The following SLC7A9 variants were observed in gnomAD, a reference collection of about 807,000 sequenced individuals.
SLC7A9 encodes B(0,+)-type amino acid transporter 1.
Under a neutral mutation model 54.1 loss-of-function variants are expected in SLC7A9, and 38 were observed. That is an observed-to-expected ratio of 0.70 (90% CI 0.54 to 0.92). The LOEUF is 0.92. Ranked by LOEUF, SLC7A9 falls within the 40% of genes least tolerant of loss-of-function variation. The probability of loss-of-function intolerance (pLI) is 0.00; values close to 1 mark genes in which losing one functional copy is unlikely to be tolerated. For missense variants in SLC7A9, 537 were observed against 636.1 expected (o/e 0.84, Z 1.68); for synonymous variants, 264 against 258.9 (o/e 1.02, Z -0.19).
chr19:32,831,209 AAAAG>A (rs751400772), intron 12 of SLC7A9: 113 of 159,972 alleles, frequency 7.1e-4, no homozygotes, highest in East Asian at 2.3e-3. Flanking sequence ...AAAAAAAAAA[AAAAG>A]AAAGAAAGAA....
Position 32,860,652 on chromosome 19 carries a change from T to C in SLC7A9, c.705-2A>G, listed in dbSNP as rs1213412404. 2.5e-6 allele frequency: 4 copies of C among 1,614,144 alleles called. No homozygotes were observed. Among genetic ancestry groups the C allele is most frequent in the South Asian group, 1.1e-5 (1 of 91,076 alleles). ...TCTGTGATGTAATTGAGTTGATTCCTGGAAAAAGGAAAGTAACAAGCGTCA... is the reference window on the plus strand; with the variant it reads ...TCTGTGATGTAATTGAGTTGATTCCCGGAAAAAGGAAAGTAACAAGCGTCA... On this transcript the variant is annotated splice_acceptor_variant, in intron 6 of 12. Coordinates refer to ENST00000023064, the MANE Select transcript of SLC7A9 (RefSeq NM_014270.5). LOFTEE classifies it high-confidence loss of function.
chr19:32,860,887 C>T (rs1180292642), intron 6 of SLC7A9, among the ~76,000 whole-genome samples: 1 of 152,182 alleles, frequency 6.6e-6, no homozygotes, highest in Non-Finnish European at 1.5e-5. Context: ...TCGGGAATCA[C>T]ACGGATTTTC....
At chr19:32,841,448 C>T (rs1167980525) in intron 11 of SLC7A9, among the ~76,000 whole-genome samples, 1 of 151,880 alleles carries the variant, frequency 6.6e-6, no homozygotes, top group Non-Finnish European at 1.5e-5. Flanking sequence ...GAAAGGAGGC[C>T]GGCATAGTGG....
intron 9 of SLC7A9, among the ~76,000 whole-genome samples, chr19:32,857,303 G>A (rs1360106503): frequency 1.3e-5 from 2 of 152,068 alleles, no homozygotes; most frequent in Non-Finnish European, 2.9e-5. Flanking sequence ...AGTTAGCTGG[G>A]TGTGATGGCA....
chr19:32,868,377 C>G, intron 2 of SLC7A9, 71 bp downstream of exon 2: 2 of 1,156,148 alleles, frequency 1.7e-6, no homozygotes, highest in Non-Finnish European at 2.6e-6. Flanking sequence ...CCGGATTTCA[C>G]TGCCTGCGCC....
chr19:32,868,768 T>G (rs1024455001), intron 1 of SLC7A9, 123 bp from the exon 2 acceptor site: 1 of 584,894 alleles, frequency 1.7e-6, no homozygotes, highest in Non-Finnish European at 3.1e-6. Context: ...GGAACACAGC[T>G]CCCCGCTGCT....
intron 2 of SLC7A9, among the ~76,000 whole-genome samples, 197 bp downstream of exon 2, chr19:32,868,248 AAAG>A (rs200574925): frequency 1.4e-5 from 2 of 145,238 alleles, no homozygotes; most frequent in African/African-American, 2.6e-5. Flanking sequence ...AAAAAAAAAA[AAAG>A]AAGATGCAGA....
intron 11 of SLC7A9, among the ~76,000 whole-genome samples, chr19:32,837,949 C>CA (rs1968012685): frequency 6.6e-6 from 1 of 152,060 alleles, no homozygotes; most frequent in Admixed American, 6.6e-5. Context: ...ATAGCAATGA[C>CA]AAAAAATCCT....
rs576456024 is a variant in SLC7A9 at position 32,844,628 on chromosome 19, G to A, written c.978-677C>T. Among the ~76,000 whole-genome samples, 25 of 151,998 alleles carry A rather than the reference G, an allele frequency of 1.6e-4. No homozygotes were observed. In the South Asian group the frequency reaches 4.8e-3, roughly 29 times the overall value. On this transcript the variant is annotated intron_variant, in intron 9 of 12. Transcript: ENST00000023064. ...GTGGATCGCCTGAAGTCAGGAGTTC[G>A]AGACCAGTCTGGCCAACGTGGTGAA...
At chr19:32,844,857 CAAAAAAAAAAAAAAAA>C (rs386388892) in intron 9 of SLC7A9, among the ~76,000 whole-genome samples, 1 of 30,314 alleles carries the variant, frequency 3.3e-5, no homozygotes, top group Non-Finnish European at 5.9e-5. Context: ...GAATCCATCT[CAAAAAAAAAAAAAAAA>C]AAAAAAAAAA....
chr19:32,858,189 C>T (rs1968682657), intron 9 of SLC7A9, among the ~76,000 whole-genome samples: 1 of 152,168 alleles, frequency 6.6e-6, no homozygotes, highest in Admixed American at 6.6e-5. Context: ...AACTAGGGCC[C>T]CCTGGAGTGG....
At chr19:32,845,213 A>T (rs1384214829) in intron 9 of SLC7A9, among the ~76,000 whole-genome samples, 1 of 152,092 alleles carries the variant, frequency 6.6e-6, no homozygotes, top group African/African-American at 2.4e-5. Flanking sequence ...CAGGAGCCTG[A>T]GCTGGGCATG....
chr19:32,853,338 T>A (rs1968524625), intron 9 of SLC7A9, among the ~76,000 whole-genome samples: 1 of 152,186 alleles, frequency 6.6e-6, no homozygotes, highest in Non-Finnish European at 1.5e-5. Context: ...TTTGGGGTGA[T>A]GGAAATGATC....
intron 9 of SLC7A9, among the ~76,000 whole-genome samples, chr19:32,844,780 G>GAGATCGCACCATTGCAGCTA (rs953236812): frequency 7.8e-5 from 10 of 128,618 alleles, no homozygotes; most frequent in African/African-American, 2.7e-4. Context: ...GCGGTGAGCT[G>GAGATCGCACCATTGCAGCTA]AGATCGCACC....
chr19:32,850,468 C>G (rs1317304021), intron 9 of SLC7A9, among the ~76,000 whole-genome samples: 1 of 151,902 alleles, frequency 6.6e-6, no homozygotes, highest in African/African-American at 2.4e-5. Context: ...ATCCAACTTA[C>G]AAGGGATGTG....
At chr19:32,855,516 G>A (rs570519812) in intron 9 of SLC7A9, among the ~76,000 whole-genome samples, 90 of 152,120 alleles carry the variant, frequency 5.9e-4, no homozygotes, top group Admixed American at 3.5e-3. Context: ...TGGCAAACAC[G>A]GTGAAACCCC....
intron 12 of SLC7A9, chr19:32,832,652 C>T: frequency 5.9e-6 from 1 of 169,294 alleles, no homozygotes; most frequent in Non-Finnish European, 1.2e-5. Context: ...TGGCTTAGGC[C>T]AGTAGTCCCA....
intron 12 of SLC7A9, among the ~76,000 whole-genome samples, chr19:32,832,587 CAAAAAAAA>C (rs746136682): frequency 1.1e-5 from 1 of 91,476 alleles, no homozygotes; most frequent in Non-Finnish European, 2.2e-5. Context: ...GACTGTGTCT[CAAAAAAAA>C]AAAAAAAAAG....
rs748941801 is a variant in SLC7A9 at position 32,835,009 on chromosome 19, C to T, written c.1225-1686G>A. 7.2e-5 allele frequency among the ~76,000 whole-genome samples: 11 copies of T among 152,238 alleles called. No homozygotes were observed. The East Asian group carries it at 1.4e-3, about 19-fold the overall frequency. ...TTCACCACGTTGGCCAGGCTGGTCTCGAACTCCTGACCTCAAATGATCTGC... is the reference window on the plus strand; with the variant it reads ...TTCACCACGTTGGCCAGGCTGGTCTTGAACTCCTGACCTCAAATGATCTGC... On this transcript the variant is annotated intron_variant, in intron 11 of 12. Transcript: ENST00000023064.
Sources: allele counts gnomAD v4.1 joint callset (sites outside exome capture counted in the v4.1 genomes callset), GRCh38; gene constraint gnomAD v4.1.1; transcripts MANE v1.5; gene names NCBI Gene and HGNC (gene_info 2026-07-23, HGNC 2026-07-21).